Variants in GHR observed in about 807,000 individuals in gnomAD.
GHR encodes GH receptor.
GHR carries 35 observed loss-of-function variants against 67.1 expected under a neutral mutation model. That is an observed-to-expected ratio of 0.52 (90% CI 0.40 to 0.69). GHR has a LOEUF of 0.69. Among genes scored for constraint, GHR ranks in the 30% least tolerant of loss-of-function variants. The pLI, the probability that GHR is intolerant of heterozygous loss-of-function variation, is 0.00. For missense variants in GHR, 792 were observed against 764.6 expected (o/e 1.04, Z -0.42); for synonymous variants, 272 against 269.1 (o/e 1.01, Z -0.10).
intron 1 of GHR, among the ~76,000 whole-genome samples, chr5:42,536,750 T>A (rs547238590): frequency 3.3e-5 from 5 of 152,194 alleles, no homozygotes; most frequent in Non-Finnish European, 7.3e-5. Flanking sequence ...TATCAATTCT[T>A]CTTTGAATGT....
At chr5:42,439,890 C>T (rs1743493021) in intron 1 of GHR, among the ~76,000 whole-genome samples, 1 of 152,184 alleles carries the variant, frequency 6.6e-6, no homozygotes, top group Admixed American at 6.5e-5. Flanking sequence ...TAGTCCTTCC[C>T]TTAAATGTTT....
rs1247349203 is a variant in GHR, at chr5:42,423,935, G to C, written c.-32G>C. On this transcript the variant is annotated 5_prime_UTR_variant, in exon 1 of 10. Coordinates refer to ENST00000230882, the MANE Select transcript of GHR (RefSeq NM_000163.5). ...GCGCAGACGCGAACCCGCGCTCTCT[G>C]ATCAGAGGCGAAGCTCGGAGGTACT... 6.5e-6 allele frequency: 1 copy of C among 153,872 alleles called. No homozygotes were observed. The highest frequency in any genetic ancestry group is 1.5e-5 in the Non-Finnish European group (1 of 68,394). The allele number at this position is 153,872 out of a possible 1,614,324, so 9.5% of individuals were successfully genotyped here.
intron 1 of GHR, among the ~76,000 whole-genome samples, chr5:42,481,790 T>G (rs1454621351): frequency 6.6e-6 from 1 of 152,172 alleles, no homozygotes; most frequent in Non-Finnish European, 1.5e-5. Context: ...TCATCTAATT[T>G]TTTTTCAAAG....
Position 42,609,755 on chromosome 5 carries a change from T to G in GHR, c.71-19283T>G, listed in dbSNP as rs567931715. Among the ~76,000 whole-genome samples, 3 of 152,324 alleles carry G rather than the reference T, an allele frequency of 2.0e-5. No individual in the cohort carries two copies. The South Asian group carries it at 6.2e-4, about 32-fold the overall frequency. The stretch of plus-strand genomic sequence containing the variant: ...CTGCTTTATTGTGAACTGGGTCAAT[T>G]TTTGCTTTCTTAATATTAATCTTGA... On this transcript the variant is annotated intron_variant, in intron 2 of 9. Coordinates refer to ENST00000230882, the MANE Select transcript of GHR (RefSeq NM_000163.5).
chr5:42,598,332 C>A (rs1397517627), intron 2 of GHR, among the ~76,000 whole-genome samples: 1 of 152,084 alleles, frequency 6.6e-6, no homozygotes. Context: ...TCAGTAATAG[C>A]AAGAAACTTA....
chr5:42,476,114 C>T (rs1397577346), intron 1 of GHR, among the ~76,000 whole-genome samples: 5 of 151,836 alleles, frequency 3.3e-5, no homozygotes, highest in Non-Finnish European at 7.4e-5. Context: ...CCGTGTTAGC[C>T]AGGATGGTCT....
intron 3 of GHR, among the ~76,000 whole-genome samples, chr5:42,636,013 A>G (rs1754163005): frequency 6.6e-6 from 1 of 152,030 alleles, no homozygotes; most frequent in African/African-American, 2.4e-5. Context: ...GATGGAGACC[A>G]TCATGGCTAA....
In GHR at chr5:42,448,357, AT is replaced by A. The variant is rs1407632034; in HGVS notation, c.-12+24409del. Among the ~76,000 whole-genome samples, 3 of 151,912 alleles carry A rather than the reference AT, an allele frequency of 2.0e-5. No homozygotes were observed. The East Asian group carries it at 5.8e-4, about 29-fold the overall frequency. On this transcript the variant is annotated intron_variant, in intron 1 of 9. Transcript: ENST00000230882. ...TTCCTGATAATTAGTGATGTCAAGC[AT>A]TTTTTTCCATGTTTGTTGGGCATTC...
At chr5:42,577,481 C>A (rs1367241540) in intron 2 of GHR, among the ~76,000 whole-genome samples, 1 of 152,126 alleles carries the variant, frequency 6.6e-6, no homozygotes, top group Non-Finnish European at 1.5e-5. Flanking sequence ...TTTCTGGCTA[C>A]CCCTTTATAG....
At chr5:42,603,626 T>C (rs1296302679) in intron 2 of GHR, among the ~76,000 whole-genome samples, 2 of 152,240 alleles carry the variant, frequency 1.3e-5, no homozygotes, top group Non-Finnish European at 2.9e-5. Context: ...TTTAGTCTTC[T>C]CTTGAATACC....
intron 3 of GHR, among the ~76,000 whole-genome samples, chr5:42,679,325 G>A (rs1756738781): frequency 6.6e-6 from 1 of 151,166 alleles, no homozygotes. Flanking sequence ...CCAGTGCAGT[G>A]GTTAAGAATA....
At chr5:42,576,104 A>AAAATAAAATAAAATAAAAT (rs1561135773) in intron 2 of GHR, among the ~76,000 whole-genome samples, 145 of 79,406 alleles carry the variant, frequency 1.8e-3, no homozygotes, top group South Asian at 3.3e-3. Context: ...TAAAATAAAT[A>AAAATAAAATAAAATAAAAT]AAATAAAATA....
rs140989988 is a variant in GHR at position 42,605,231 on chromosome 5, G to T, written c.71-23807G>T. On this transcript the variant is annotated intron_variant, in intron 2 of 9. Transcript: ENST00000230882. The stretch of plus-strand genomic sequence containing the variant: ...CCTGTCCCCTGTCTCAGCCTCCCGA[G>T]TAGCTGGGATTACAGGCATGCACCA... Among the ~76,000 whole-genome samples, 654 of 151,632 alleles carry T rather than the reference G, an allele frequency of 4.3e-3. 3 individuals are homozygous for T. The highest frequency in any genetic ancestry group is 0.015 in the African/African-American group (632 of 41,300).
chr5:42,680,440 TC>T (rs1416549780), intron 3 of GHR, among the ~76,000 whole-genome samples: 1 of 152,090 alleles, frequency 6.6e-6, no homozygotes. Flanking sequence ...AATGTGCTTT[TC>T]TTTTTTTTTC....
intron 2 of GHR, among the ~76,000 whole-genome samples, chr5:42,586,140 C>T (rs949165684): frequency 3.3e-5 from 5 of 152,202 alleles, no homozygotes; most frequent in Non-Finnish European, 7.4e-5. Flanking sequence ...ACCCAGAAGA[C>T]ATTCAGTTTG....
chr5:42,543,029 C>T (rs1174386688), intron 1 of GHR, among the ~76,000 whole-genome samples: 1 of 152,086 alleles, frequency 6.6e-6, no homozygotes, highest in South Asian at 2.1e-4. Flanking sequence ...TTTATCCACT[C>T]ATTGTTTGAT....
At chr5:42,428,528 C>A (rs1021271834) in intron 1 of GHR, among the ~76,000 whole-genome samples, 1 of 152,220 alleles carries the variant, frequency 6.6e-6, no homozygotes, top group African/African-American at 2.4e-5. Flanking sequence ...GAATTTCTCC[C>A]CAGAAAATGG....
chr5:42,682,579 C>T lies in GHR; in HGVS notation c.137-6311C>T, dbSNP rs182764119. 1.3e-3 allele frequency among the ~76,000 whole-genome samples: 194 copies of T among 152,200 alleles called. 2 individuals carry two copies. The highest frequency in any genetic ancestry group is 9.8e-3 in the Admixed American group (150 of 15,282). On this transcript the variant is annotated intron_variant, in intron 3 of 9. Coordinates refer to ENST00000230882, the MANE Select transcript of GHR (RefSeq NM_000163.5). ...GAATGCTGAGTGTCTTCAGCCACAGCGGCACAATGGTACTAGATGTGACAG... is the reference window on the plus strand; with the variant it reads ...GAATGCTGAGTGTCTTCAGCCACAGTGGCACAATGGTACTAGATGTGACAG...
intron 1 of GHR, among the ~76,000 whole-genome samples, chr5:42,509,778 T>A (rs1240474812): frequency 1.3e-5 from 2 of 151,960 alleles, no homozygotes; most frequent in Admixed American, 1.3e-4. Context: ...CCTGCTCCTA[T>A]TTTAGGAATC....
Sources: gnomAD v4.1 joint callset for allele counts (sites outside exome capture counted in the v4.1 genomes callset) on GRCh38, gnomAD v4.1.1 for gene constraint, MANE v1.5 for transcripts, NCBI Gene and HGNC (gene_info 2026-07-23, HGNC 2026-07-21) for gene names.